The following SERINC2 variants were observed in gnomAD, a reference collection of about 807,000 sequenced individuals.
The protein encoded by SERINC2 is serine incorporator 2, also known as tumor differentially expressed protein 2.
A neutral mutation model predicts 54.2 loss-of-function variants in SERINC2; 56 were observed. That is an observed-to-expected ratio of 1.03 (90% CI 0.83 to 1.29). SERINC2 has a LOEUF of 1.29. Ranked by LOEUF, SERINC2 falls within the 50% of genes most tolerant of loss-of-function variation. The pLI is 0.00. For missense variants in SERINC2, 614 were observed against 607.4 expected (o/e 1.01, Z -0.12); for synonymous variants, 272 against 253.1 (o/e 1.07, Z -0.71).
chr1:31,421,047 C>T (rs1329936463), intron 1 of SERINC2, among the ~76,000 whole-genome samples: 2 of 152,268 alleles, frequency 1.3e-5, no homozygotes, highest in South Asian at 4.1e-4. Context: ...CTGTTAAGAA[C>T]TGGGCCACAC....
Position 31,425,910 on chromosome 1 carries a change from G to A in SERINC2, c.607G>A (p.Ala203Thr), listed in dbSNP as rs146770700. Reference protein sequence around the residue: ...AEECDSRAWYAGLFFFTLLFY... With the variant: ...AEECDSRAWYTGLFFFTLLFY... ...GGAGTGCGATTCCCGTGCCTGGTAC[G>A]CAGGTCAGTGCTGCCACCCTGCCTC... Residue 203 changes from alanine (A) to threonine (T), a missense_variant, in exon 5 of 10, where the codon GCA (alanine) becomes ACA (threonine). Physicochemically the swap from Ala to Thr is moderately conservative, Grantham distance 58 (BLOSUM62 0). Coordinates refer to ENST00000373709, the MANE Select transcript of SERINC2 (RefSeq NM_178865.5). The A allele has an allele frequency of 1.9e-4, 302 of 1,610,518 alleles. No homozygotes were observed. Among genetic ancestry groups the A allele is most frequent in the Non-Finnish European group, 2.2e-4 (258 of 1,179,484 alleles).
At chr1:31,409,963 C>A (rs1553131279), upstream of SERINC2, 9 of 1,075,080 alleles carry the variant, frequency 8.4e-6, no homozygotes, top group Middle Eastern at 2.9e-4. Context: ...ATTAGAGAAC[C>A]TTGGGGTGGG....
At chr1:31,420,036 A>G (rs1553132624) in intron 1 of SERINC2, among the ~76,000 whole-genome samples, 1 of 152,106 alleles carries the variant, frequency 6.6e-6, no homozygotes, top group African/African-American at 2.4e-5. Context: ...TTATTTTCCT[A>G]TTATGATCAG....
At chr1:31,425,640 G>A (rs782403544) in intron 4 of SERINC2, 136 bp from the exon 5 acceptor site, 91 of 1,160,130 alleles carry the variant, frequency 7.8e-5, no homozygotes, top group East Asian at 5.2e-4. Flanking sequence ...CCCTCTGTGC[G>A]TAGCTAGGGG....
upstream of SERINC2, chr1:31,410,215 G>A: frequency 6.9e-7 from 1 of 1,444,754 alleles, no homozygotes; most frequent in Non-Finnish European, 9.1e-7. Flanking sequence ...TTTTGGGGGT[G>A]CAAGAGACAG....
At chr1:31,427,824 C>CTTTT (rs71035099) in intron 6 of SERINC2, among the ~76,000 whole-genome samples, 22 of 76,568 alleles carry the variant, frequency 2.9e-4, no homozygotes, top group African/African-American at 9.0e-4. Flanking sequence ...TTCTTTCTTT[C>CTTTT]TTTTTTTTTT....
In SERINC2 at chr1:31,429,088, C is replaced by T; in HGVS notation, c.871+20C>T. The T allele has an allele frequency of 2.5e-6, 4 of 1,600,056 alleles. No individual in the cohort carries two copies. Among genetic ancestry groups the T allele is most frequent in the Non-Finnish European group, 3.4e-6 (4 of 1,167,256 alleles). On this transcript the variant is annotated intron_variant, in intron 7 of 9. Coordinates refer to ENST00000373709, the MANE Select transcript of SERINC2 (RefSeq NM_178865.5). ...TCCCTGGTAAGTATGGGCCCAGGCT[C>T]AAGGAGGCCTGGCCTCGTTCCTGGG... is the stretch of plus-strand genomic sequence containing the variant.
chr1:31,430,163 T>G (rs1425008295), intron 8 of SERINC2, among the ~76,000 whole-genome samples: 1 of 152,032 alleles, frequency 6.6e-6, no homozygotes, highest in Non-Finnish European at 1.5e-5. Context: ...GAGATAAAAA[T>G]AGTACCTTCC....
At chr1:31,411,153 G>T (rs1464571665), upstream of SERINC2, among the ~76,000 whole-genome samples, 1 of 152,238 alleles carries the variant, frequency 6.6e-6, no homozygotes, top group Non-Finnish European at 1.5e-5. Context: ...TTCTTGGGTG[G>T]CTCACAGTCC....
intron 6 of SERINC2, among the ~76,000 whole-genome samples, chr1:31,427,079 C>T (rs1276310113): frequency 1.3e-5 from 2 of 152,208 alleles, no homozygotes; most frequent in African/African-American, 4.8e-5. Flanking sequence ...GAGTTATTCT[C>T]AGGATTGAGA....
At position 31,414,417 on chromosome 1, in the gene SERINC2, C is replaced by CG. The variant is rs1176904735; in HGVS notation, c.39+1116dup. On this transcript the variant is annotated intron_variant, in intron 1 of 9. Coordinates refer to ENST00000373709, the MANE Select transcript of SERINC2 (RefSeq NM_178865.5). The stretch of plus-strand genomic sequence containing the variant: ...GGGACTCGCTTTCCTTTGTCCCTGA[C>CG]GGGTTGTGTGTGTGTGTGTGTGTGT... 640 of 482,894 alleles carry CG rather than the reference C, an allele frequency of 1.3e-3. 2 individuals are homozygous for CG. Among genetic ancestry groups the CG allele is most frequent in the Admixed American group, 3.5e-3 (11 of 3,144 alleles). 29.9% of individuals were successfully genotyped at this position (482,894 alleles called of 1,614,324 possible). A position where few individuals can be genotyped will look rare whatever the true frequency, so the allele number is the denominator to read the frequency against.
At chr1:31,421,022 G>C (rs1396909709) in intron 1 of SERINC2, among the ~76,000 whole-genome samples, 3 of 152,162 alleles carry the variant, frequency 2.0e-5, no homozygotes, top group African/African-American at 7.2e-5. Flanking sequence ...CCATGGACTA[G>C]TATCTATCCA....
chr1:31,433,967 T>TTGAAGTCAGGGGTCATAACTGGGACA, intron 9 of SERINC2, 97 bp from the exon 10 acceptor site: 3 of 1,269,034 alleles, frequency 2.4e-6, no homozygotes, highest in Non-Finnish European at 3.3e-6. Context: ...AGAGCCAGAG[T>TTGAAGTCAGGGGTCATAACTGGGACA]TGAAGTCAGG....
Position 31,425,867 on chromosome 1 carries a change from G to T in SERINC2, c.564G>T (p.Arg188=). 6.2e-7 allele frequency: 1 copy of T among 1,613,470 alleles called. No homozygotes were observed. The highest frequency in any genetic ancestry group is 1.3e-5 in the African/African-American group (1 of 75,050). ...ACTTTGCGCACTCCTGGAACCAGCG[G>T]TGGCTGGGCAAGGCCGAGGAGTGCG... The part of the protein sequence containing the change: ...LIDFAHSWNQ[R]WLGKAEECDS... Residue 188 remains arginine, a synonymous_variant, in exon 5 of 10, where the codon CGG becomes CGT. Coordinates refer to ENST00000373709, the MANE Select transcript of SERINC2 (RefSeq NM_178865.5).
At chr1:31,413,187 G>GGGGCC (rs1248546333), upstream of SERINC2, 1 of 1,021,466 alleles carries the variant, frequency 9.8e-7, no homozygotes, top group Non-Finnish European at 1.2e-6. This position sits in a 1 kb window ranked among gnomAD's most constrained non-coding sequence, Gnocchi z 5.0. Context: ...GGGCCGGGGA[G>GGGGCC]GGGCCAGGCC....
At chr1:31,412,055 C>G (rs1029420232), upstream of SERINC2, among the ~76,000 whole-genome samples, 1 of 141,622 alleles carries the variant, frequency 7.1e-6, no homozygotes, top group East Asian at 2.1e-4. Flanking sequence ...GGCAAAAGTG[C>G]GGAGGAGGAA....
rs1553131702 is a variant in SERINC2, at chr1:31,413,262, C to T, written c.-4C>T. ...CCGGGCGCCCGAAGCCGGGAGCCGC[C>T]GCCATGGGGGCCTGCCTGGGAGCCT... is the stretch of plus-strand genomic sequence containing the variant. On this transcript the variant is annotated 5_prime_UTR_variant, in exon 1 of 10. Coordinates refer to ENST00000373709, the MANE Select transcript of SERINC2 (RefSeq NM_178865.5). The surrounding 1 kb of genome is among the most constrained non-coding windows in gnomAD (Gnocchi z 5.0). 3.3e-6 allele frequency: 4 copies of T among 1,230,762 alleles called. No homozygotes were observed. The highest frequency in any genetic ancestry group is 3.4e-5 in the East Asian group (1 of 29,408). 76.2% of individuals were successfully genotyped at this position (1,230,762 alleles called of 1,614,324 possible). A position where few individuals can be genotyped will look rare whatever the true frequency, so the allele number is the denominator to read the frequency against.
At chr1:31,427,133 A>C (rs1404988348) in intron 6 of SERINC2, among the ~76,000 whole-genome samples, 1 of 152,226 alleles carries the variant, frequency 6.6e-6, no homozygotes, top group Non-Finnish European at 1.5e-5. Context: ...GATATCTCTC[A>C]GACATTAGCT....
At chr1:31,410,282 G>A, upstream of SERINC2, 1 of 1,513,482 alleles carries the variant, frequency 6.6e-7, no homozygotes, top group East Asian at 2.5e-5. Flanking sequence ...TGATGGGCTG[G>A]CCAGGACACC....
Sources: gnomAD v4.1 joint callset for allele counts (sites outside exome capture counted in the v4.1 genomes callset) on GRCh38, gnomAD v4.1.1 for gene constraint, Gnocchi (gnomAD v3.1) non-coding constraint, MANE v1.5 for transcripts, NCBI Gene and HGNC (gene_info 2026-07-23, HGNC 2026-07-21) for gene names.